ABLIM3: variants seen among roughly 807,000 people sequenced by gnomAD.
ABLIM3 encodes the protein actin-binding LIM protein 3.
A neutral mutation model predicts 109.5 loss-of-function variants in ABLIM3; 61 were observed. The observed-to-expected ratio is 0.56, with a 90% CI of 0.45 to 0.69. The LOEUF (loss-of-function observed/expected upper bound fraction) is 0.69, where lower values mean the gene tolerates loss of function less well. Among genes scored for constraint, ABLIM3 ranks in the 30% least tolerant of loss-of-function variants. ABLIM3 has a pLI of 0.00. For synonymous variants in ABLIM3, 300 were observed against 324.8 expected (o/e 0.92, Z 0.82); for missense variants, 796 against 889.5 (o/e 0.89, Z 1.34).
chr5:149,158,356 A>T (rs548864473), intron 2 of ABLIM3, among the ~76,000 whole-genome samples: 1 of 152,340 alleles, frequency 6.6e-6, no homozygotes, highest in South Asian at 2.1e-4. Flanking sequence ...TGTGTTTGAA[A>T]AAAGTTAATA....
In ABLIM3 at chr5:149,233,234, A is replaced by G. The variant is rs150563293; in HGVS notation, c.822A>G (p.Arg274=). Reference sequence around the variant, plus strand: ...TGTCTTCATCTCTCTCACAGCATAGACGGACATCTGAAACCTCCATCTCAC... The same window carrying G: ...TGTCTTCATCTCTCTCACAGCATAGGCGGACATCTGAAACCTCCATCTCAC... ...AARAEKKLKH[R]RTSETSISPP... The change falls in exon 10 of 24, where the codon AGA becomes AGG. Residue 274 remains arginine (R), a synonymous_variant. Coordinates refer to ENST00000309868, the MANE Select transcript of ABLIM3 (RefSeq NM_014945.5). The G allele has an allele frequency of 3.1e-6, 5 of 1,614,002 alleles. No individual in the cohort carries two copies. The African/African-American group carries it at 6.7e-5, about 22-fold the overall frequency.
At chr5:149,228,735 G>A (rs150208722) in intron 8 of ABLIM3, among the ~76,000 whole-genome samples, 77 of 152,014 alleles carry the variant, frequency 5.1e-4, no homozygotes, top group African/African-American at 1.7e-3. Context: ...CCTAAATTCT[G>A]ATTTTTTTCA....
chr5:149,212,788 T>A (rs928091591), intron 7 of ABLIM3, among the ~76,000 whole-genome samples: 4 of 152,036 alleles, frequency 2.6e-5, no homozygotes, highest in Admixed American at 6.5e-5. Flanking sequence ...TTAGGATGAG[T>A]TGTGATTGAA....
At chr5:149,227,217 G>T (rs1173891974) in intron 8 of ABLIM3, among the ~76,000 whole-genome samples, 1 of 152,124 alleles carries the variant, frequency 6.6e-6, no homozygotes, top group East Asian at 1.9e-4. Context: ...ACTGACTGCT[G>T]ACTCTGCTAA....
rs1581267090 is a variant in ABLIM3 at position 149,259,780 on chromosome 5, A to G, written c.*1376A>G. The G allele has an allele frequency of 2.3e-5, 14 of 615,572 alleles. No individual in the cohort carries two copies. The East Asian group carries it at 3.9e-4, about 17-fold the overall frequency. The allele number at this position is 615,572 out of a possible 1,614,324, so 38.1% of individuals were successfully genotyped here. On this transcript the variant is annotated 3_prime_UTR_variant, in exon 24 of 24. Transcript: ENST00000309868. ...GAGTCGGACCATTTTGAGATCATGG[A>G]GGAAGGATGAAGAAGTGAAAATGAC... is the stretch of plus-strand genomic sequence containing the variant.
At position 149,249,989 on chromosome 5, in the gene ABLIM3, T is replaced by C. The variant is rs573145557; in HGVS notation, c.1729+145T>C. ...TCTCAAATAGTCTACTCCATTGTAT[T>C]TGTCAGATTGTGGGTCTGCATTTGG... On this transcript the variant is annotated intron_variant, in intron 19 of 23. Transcript: ENST00000309868. 47 of 1,055,676 alleles carry C rather than the reference T, an allele frequency of 4.5e-5. No individual in the cohort carries two copies. In the African/African-American group the frequency reaches 6.8e-4, roughly 15 times the overall value. 65.4% of individuals were successfully genotyped at this position (1,055,676 alleles called of 1,614,324 possible).
At chr5:149,231,059 T>A (rs1165934518) in intron 9 of ABLIM3, among the ~76,000 whole-genome samples, 2 of 152,154 alleles carry the variant, frequency 1.3e-5, no homozygotes, top group Non-Finnish European at 2.9e-5. Context: ...ATAATAATAG[T>A]TAATAATGTC....
chr5:149,161,935 G>A (rs764210598), intron 2 of ABLIM3, among the ~76,000 whole-genome samples: 6 of 151,882 alleles, frequency 4.0e-5, no homozygotes, highest in East Asian at 1.9e-4. Context: ...TGCGCCTATA[G>A]AGAAAAGAAA....
chr5:149,238,059 C>T (rs1174355703), intron 11 of ABLIM3, among the ~76,000 whole-genome samples: 1 of 152,190 alleles, frequency 6.6e-6, no homozygotes, highest in Non-Finnish European at 1.5e-5. Flanking sequence ...TATAACATGT[C>T]TAATCAGACA....
At chr5:149,249,085 A>C (rs1561636677) in intron 18 of ABLIM3, among the ~76,000 whole-genome samples, 1 of 152,222 alleles carries the variant, frequency 6.6e-6, no homozygotes, top group East Asian at 1.9e-4. Context: ...CCCACTTTAT[A>C]GATGAGAGAA....
chr5:149,240,541 G>A (rs896684269), intron 13 of ABLIM3, 135 bp from the exon 14 acceptor site: 2 of 700,222 alleles, frequency 2.9e-6, no homozygotes, highest in Admixed American at 2.1e-5. Flanking sequence ...CCCGGAACCT[G>A]AGCACGCTGA....
intron 7 of ABLIM3, among the ~76,000 whole-genome samples, chr5:149,213,776 A>G (rs1371468007): frequency 6.7e-6 from 1 of 149,894 alleles, no homozygotes; most frequent in African/African-American, 2.5e-5. Flanking sequence ...GATTGATCCC[A>G]TTTCTACAAG....
At chr5:149,183,382 A>G in intron 2 of ABLIM3, 70 bp from the exon 3 acceptor site, 2 of 1,434,390 alleles carry the variant, frequency 1.4e-6, no homozygotes, top group Non-Finnish European at 1.8e-6. Flanking sequence ...TACAATTATG[A>G]TAATGTCTTG....
At chr5:149,190,870 A>G (rs1757413702) in intron 3 of ABLIM3, among the ~76,000 whole-genome samples, 1 of 152,230 alleles carries the variant, frequency 6.6e-6, no homozygotes, top group Non-Finnish European at 1.5e-5. Flanking sequence ...CAAAATCTTA[A>G]TGAAAATCAG....
chr5:149,245,053 C>T (rs1396740220), intron 16 of ABLIM3, 38 bp downstream of exon 16: 8 of 1,613,440 alleles, frequency 5.0e-6, no homozygotes, highest in Middle Eastern at 1.7e-4. Context: ...AGGGCCCTAA[C>T]ACCTGTGCCA....
chr5:149,211,426 C>A (rs184704272), intron 7 of ABLIM3, among the ~76,000 whole-genome samples: 144 of 152,242 alleles, frequency 9.5e-4, no homozygotes, highest in Non-Finnish European at 1.6e-4. Flanking sequence ...TGGAAGCTAT[C>A]TTCCTATACT....
intron 14 of ABLIM3, among the ~76,000 whole-genome samples, chr5:149,241,184 A>C (rs549532837): frequency 6.6e-6 from 1 of 152,364 alleles, no homozygotes; most frequent in South Asian, 2.1e-4. Context: ...TTCCCAAGCC[A>C]CTGTTATTCC....
chr5:149,231,162 T>C (rs1370464825), intron 9 of ABLIM3, among the ~76,000 whole-genome samples: 1 of 152,224 alleles, frequency 6.6e-6, no homozygotes, highest in East Asian at 1.9e-4. Context: ...AATTCTATCT[T>C]TGCCTTGCCT....
At chr5:149,162,383 T>C (rs2127448601) in intron 2 of ABLIM3, among the ~76,000 whole-genome samples, 1 of 152,288 alleles carries the variant, frequency 6.6e-6, no homozygotes, top group East Asian at 1.9e-4. Context: ...AATTTCAAAA[T>C]ATTTCATCCC....
Sources: gnomAD v4.1 joint callset for allele counts (sites outside exome capture counted in the v4.1 genomes callset) on GRCh38, gnomAD v4.1.1 for gene constraint, MANE v1.5 for transcripts, NCBI Gene and HGNC (gene_info 2026-07-23, HGNC 2026-07-21) for gene names.